Variants in CNTNAP3 observed in about 807,000 individuals in gnomAD.
CNTNAP3 encodes the protein contactin-associated protein-like 3.
In CNTNAP3, 36 loss-of-function variants were observed where a neutral mutation model predicts 92.1. The ratio of observed to expected loss-of-function variants is 0.39; its 90% CI spans 0.30 to 0.52. CNTNAP3 has a LOEUF of 0.52. Ranked by LOEUF, CNTNAP3 falls within the 20% of genes least tolerant of loss-of-function variation. The pLI is 0.76. For missense variants in CNTNAP3, 534 were observed against 1,069.6 expected, an observed-to-expected ratio of 0.50 and a Z score of 6.98; for synonymous variants, 232 against 422.3, an observed-to-expected ratio of 0.55 and a Z score of 5.53.
intron 9 of CNTNAP3, among the ~76,000 whole-genome samples, chr9:39,152,512 C>G (rs1444398935): frequency 6.1e-5 from 9 of 147,132 alleles, no homozygotes; most frequent in South Asian, 2.2e-4. Flanking sequence ...CTGCATCTCA[C>G]TAATCATTAA....
At chr9:39,287,189 C>T (rs1278177699) in intron 1 of CNTNAP3, among the ~76,000 whole-genome samples, 2 of 53,254 alleles carry the variant, frequency 3.8e-5, no homozygotes, top group African/African-American at 8.4e-5. Context: ...TTATGTTTTG[C>T]TCATCTGTCT....
intron 9 of CNTNAP3, among the ~76,000 whole-genome samples, chr9:39,152,924 C>G (rs1327408637): frequency 9.0e-6 from 1 of 111,192 alleles, no homozygotes; most frequent in Non-Finnish European, 1.8e-5. Flanking sequence ...CCTCGGCCTC[C>G]CAAAGTGCTG....
chr9:39,105,194 A>G (rs1002140831), intron 15 of CNTNAP3, among the ~76,000 whole-genome samples: 105 of 152,256 alleles, frequency 6.9e-4, no homozygotes, highest in Admixed American at 2.1e-3. Context: ...TTGGGAGGCC[A>G]AGGCGGGCGG....
chr9:39,154,939 G>A (rs2480986), intron 9 of CNTNAP3: 2,496 of 175,686 alleles, frequency 0.014, 59 homozygotes, highest in African/African-American at 0.019. Context: ...ATGCATTGAA[G>A]GATCAGGTAC....
At chr9:39,144,087 A>C (rs1292972640) in intron 11 of CNTNAP3, among the ~76,000 whole-genome samples, 153 bp downstream of exon 11, 1 of 152,210 alleles carries the variant, frequency 6.6e-6, no homozygotes, top group East Asian at 1.9e-4. Context: ...TGTATTAAAT[A>C]AGGTGGATTA....
intron 14 of CNTNAP3, among the ~76,000 whole-genome samples, chr9:39,117,453 G>A (rs528432510): frequency 2.3e-4 from 35 of 151,988 alleles, no homozygotes; most frequent in Non-Finnish European, 4.9e-4. Flanking sequence ...AAGAACTTCT[G>A]AAAAAAAGGC....
chr9:39,099,253 C>T (rs1368239637), intron 18 of CNTNAP3, among the ~76,000 whole-genome samples: 2 of 152,080 alleles, frequency 1.3e-5, no homozygotes, highest in South Asian at 2.1e-4. Flanking sequence ...CACGCCCAGC[C>T]CTTTTCTTTT....
At chr9:39,076,171 T>A (rs1328020488) in intron 23 of CNTNAP3, among the ~76,000 whole-genome samples, 3 of 152,310 alleles carry the variant, frequency 2.0e-5, no homozygotes, top group Admixed American at 2.0e-4. Flanking sequence ...CCACCAGCAA[T>A]ATAATACAAT....
At chr9:39,087,611 C>A (rs550801457) in intron 19 of CNTNAP3, among the ~76,000 whole-genome samples, 1 of 152,084 alleles carries the variant, frequency 6.6e-6, no homozygotes, top group Non-Finnish European at 1.5e-5. Context: ...CTCAGCCTCC[C>A]GAGTAGCTGG....
Position 39,072,256 on chromosome 9 carries a change from A to G in CNTNAP3, c.*1634T>C, listed in dbSNP as rs1825647060. ...AACACATACGAATTTCCATAACAAG[A>G]TGGAAATTCATTTACGTAACAGTAA... On this transcript the variant is annotated 3_prime_UTR_variant, in exon 24 of 24. Coordinates refer to ENST00000297668, the MANE Select transcript of CNTNAP3 (RefSeq NM_033655.5). Among the ~76,000 whole-genome samples, 3 of 123,322 alleles carry G rather than the reference A, an allele frequency of 2.4e-5. 1 individual carries two copies. Among genetic ancestry groups the G allele is most frequent in the Non-Finnish European group, 4.9e-5 (3 of 61,366 alleles). 80.9% of individuals were successfully genotyped at this position (123,322 alleles called of 152,430 possible).
chr9:39,139,974 G>A (rs1269249986), intron 12 of CNTNAP3: 2 of 152,502 alleles, frequency 1.3e-5, no homozygotes, highest in Admixed American at 6.6e-5. Context: ...CTCAATCTCT[G>A]GATCTCGTGA....
chr9:39,083,516 A>T (rs1024407010), intron 21 of CNTNAP3, among the ~76,000 whole-genome samples: 2 of 151,864 alleles, frequency 1.3e-5, no homozygotes, highest in African/African-American at 4.8e-5. Flanking sequence ...AAAATTAGCC[A>T]GGCGTGGTGG....
chr9:39,086,044 C>A, intron 20 of CNTNAP3: 2 of 610,738 alleles, frequency 3.3e-6, no homozygotes, highest in Non-Finnish European at 2.9e-6. Flanking sequence ...CCACGATGTA[C>A]CCACTTGCTG....
chr9:39,074,960 G>C (rs1399108639), intron 23 of CNTNAP3, among the ~76,000 whole-genome samples: 3,338 of 130,750 alleles, frequency 0.026, no homozygotes, highest in South Asian at 0.059. Flanking sequence ...AGTAGAGACG[G>C]GGTTTCACCG....
At chr9:39,119,012 GTGATGGAC>G (rs1269904563) in intron 13 of CNTNAP3, among the ~76,000 whole-genome samples, 4 of 152,222 alleles carry the variant, frequency 2.6e-5, no homozygotes, top group African/African-American at 9.6e-5. Context: ...GAAGATTGGG[GTGATGGAC>G]TGACTGCACA....
rs568474728 is a variant in CNTNAP3 at position 39,100,085 on chromosome 9, C to T, written c.2821G>A (p.Ala941Thr). 6.3e-7 allele frequency: 1 copy of T among 1,580,766 alleles called. No individual in the cohort carries two copies. The highest frequency in any genetic ancestry group is 1.1e-5 in the South Asian group (1 of 88,322). The stretch of plus-strand genomic sequence containing the variant: ...GTGGCTCTTTCTTCCAGATCCAGGG[C>T]CACCCCGTTCAACTGCAGAGACCGA... ...CIRSLQLNGV[A>T]LDLEERATVT... Residue 941 changes from alanine to threonine, a missense_variant, in exon 18 of 24, where the codon GCC becomes ACC. By Grantham distance (58) the Ala-to-Thr change is moderately conservative (BLOSUM62 0). Transcript: ENST00000297668.
In CNTNAP3 at chr9:39,082,096, AAAC is replaced by A. The variant is rs1435593247; in HGVS notation, c.3443-3179_3443-3177del. Among the ~76,000 whole-genome samples the A allele has an allele frequency of 6.1e-5, 9 of 148,100 alleles. 1 individual carries two copies. Among genetic ancestry groups the A allele is most frequent in the African/African-American group, 1.7e-4 (7 of 40,552 alleles). On this transcript the variant is annotated intron_variant, in intron 21 of 23. Transcript: ENST00000297668. ...AGTGAAACTCGATCTCAAAAAAAAA[AAAC>A]AAAGAAACTCAAATCAATTAAAATT...
chr9:39,070,814 A>G lies in CNTNAP3; in HGVS notation c.*3076T>C, dbSNP rs1825621269. On this transcript the variant is annotated 3_prime_UTR_variant, in exon 24 of 24. Coordinates refer to ENST00000297668, the MANE Select transcript of CNTNAP3 (RefSeq NM_033655.5). ...ATATATACACCTAGTATGTACACAA[A>G]AATTAAAAAATAAAAAAGATTTCCC... Among the ~76,000 whole-genome samples the G allele has an allele frequency of 6.6e-6, 1 of 152,296 alleles. No individual in the cohort carries two copies. Among genetic ancestry groups the G allele is most frequent in the Admixed American group, 6.5e-5 (1 of 15,294 alleles).
At chr9:39,089,014 C>G (rs1826131440) in intron 18 of CNTNAP3, among the ~76,000 whole-genome samples, 1 of 152,220 alleles carries the variant, frequency 6.6e-6, no homozygotes, top group South Asian at 2.1e-4. Flanking sequence ...AATTTTTAAA[C>G]ATCTTTATTC....
Sources: gnomAD v4.1 joint callset for allele counts (sites outside exome capture counted in the v4.1 genomes callset) on GRCh38, gnomAD v4.1.1 for gene constraint, MANE v1.5 for transcripts, NCBI Gene and HGNC (gene_info 2026-07-23, HGNC 2026-07-21) for gene names.